TPH2: variants seen among roughly 807,000 people sequenced by gnomAD.
The protein encoded by TPH2 is tryptophan hydroxylase 2, also known as tryptophan 5-hydroxylase 2.
A neutral mutation model predicts 59.1 loss-of-function variants in TPH2; 27 were observed. That is an observed-to-expected ratio of 0.46 (90% CI 0.34 to 0.63). TPH2 has a LOEUF of 0.63. TPH2 is among the 30% of genes least tolerant of loss of function. The pLI is 0.01. For missense variants in TPH2, 523 were observed against 588.3 expected (o/e 0.89, Z 1.15); for synonymous variants, 220 against 210.5 (o/e 1.05, Z -0.39).
At chr12:71,956,969 A>C (rs777138738) in intron 5 of TPH2, among the ~76,000 whole-genome samples, 2 of 152,144 alleles carry the variant, frequency 1.3e-5, no homozygotes, top group Non-Finnish European at 1.5e-5. Context: ...CTAATGTGCT[A>C]TCTGTACAAC....
At chr12:72,005,208 G>A (rs942796587) in intron 8 of TPH2, among the ~76,000 whole-genome samples, 5 of 152,064 alleles carry the variant, frequency 3.3e-5, no homozygotes, top group African/African-American at 1.2e-4. Flanking sequence ...AAATCACCTT[G>A]TGAGGGGGGT....
intron 5 of TPH2, among the ~76,000 whole-genome samples, chr12:71,963,535 A>G (rs67220079): frequency 0.24 from 11,238 of 47,720 alleles, 4,976 homozygotes; most frequent in East Asian, 0.77. Flanking sequence ...TAGTGGCTGG[A>G]TACTTTGGCT....
intron 7 of TPH2, among the ~76,000 whole-genome samples, chr12:71,982,013 G>GTTTTTTTTTTTTTTTTTTTT (rs1468983565): frequency 9.0e-5 from 5 of 55,712 alleles, no homozygotes; most frequent in African/African-American, 2.0e-4. Flanking sequence ...CATATCATTC[G>GTTTTTTTTTTTTTTTTTTTT]TATTTTTTTT....
intron 5 of TPH2, among the ~76,000 whole-genome samples, chr12:71,951,829 C>T (rs1294836261): frequency 6.6e-6 from 1 of 151,908 alleles, no homozygotes; most frequent in African/African-American, 2.4e-5. Flanking sequence ...AGTTCAAGAC[C>T]AGCCTGACCA....
intron 8 of TPH2, among the ~76,000 whole-genome samples, chr12:72,019,396 A>G (rs1180418957): frequency 6.6e-6 from 1 of 152,166 alleles, no homozygotes; most frequent in African/African-American, 2.4e-5. Flanking sequence ...TGGAAATAAA[A>G]ATCTATTCCT....
In TPH2 at chr12:71,972,538, G is replaced by A. The variant is rs754297429; in HGVS notation, c.628G>A (p.Val210Met). 3 of 1,614,104 alleles carry A rather than the reference G, an allele frequency of 1.9e-6. No homozygotes were observed. Among genetic ancestry groups the A allele is most frequent in the African/African-American group, 1.3e-5 (1 of 75,024 alleles). ...GYKYGQPIPR[V>M]EYTEEETKTW... ...GCCTAGTGGTCAGCCCATTCCCAGGGTGGAGTATACTGAAGAAGAAACTAA... is the reference window on the plus strand; with the variant it reads ...GCCTAGTGGTCAGCCCATTCCCAGGATGGAGTATACTGAAGAAGAAACTAA... The change falls in exon 6 of 11, where the codon GTG (valine) becomes ATG (methionine). Residue 210 changes from valine (V) to methionine (M), a missense_variant. Val to Met is a conservative substitution (Grantham distance 21). Coordinates refer to ENST00000333850, the MANE Select transcript of TPH2 (RefSeq NM_173353.4).
chr12:72,029,639 A>G (rs750415490), intron 9 of TPH2, among the ~76,000 whole-genome samples: 7 of 152,198 alleles, frequency 4.6e-5, no homozygotes, highest in Non-Finnish European at 8.8e-5. Flanking sequence ...TTGCAAGTGT[A>G]GTGACCTTCT....
At chr12:71,989,184 A>G (rs1592400558) in intron 7 of TPH2, among the ~76,000 whole-genome samples, 1 of 152,168 alleles carries the variant, frequency 6.6e-6, no homozygotes, top group African/African-American at 2.4e-5. Context: ...AGAATTGCCT[A>G]AAATCTTATC....
intron 5 of TPH2, among the ~76,000 whole-genome samples, chr12:71,955,965 G>C (rs1191615035): frequency 6.6e-6 from 1 of 152,178 alleles, no homozygotes; most frequent in Non-Finnish European, 1.5e-5. Context: ...AAGAATTAGG[G>C]AACAGCCTAG....
intron 6 of TPH2, among the ~76,000 whole-genome samples, chr12:71,978,592 G>A (rs1439911568): frequency 2.0e-5 from 3 of 152,226 alleles, no homozygotes; most frequent in Non-Finnish European, 4.4e-5. Context: ...CCCTAGGTAT[G>A]TCTCTTAGAA....
At chr12:72,021,628 G>C (rs1026765950) in intron 8 of TPH2, among the ~76,000 whole-genome samples, 8 of 152,076 alleles carry the variant, frequency 5.3e-5, no homozygotes, top group Admixed American at 3.3e-4. Flanking sequence ...GGTAGGCTAG[G>C]CTAAGCTAGG....
intron 8 of TPH2, among the ~76,000 whole-genome samples, chr12:72,006,527 G>C (rs1872957311): frequency 6.6e-6 from 1 of 152,050 alleles, no homozygotes; most frequent in African/African-American, 2.4e-5. Context: ...GGGAAAGGTA[G>C]GGGATGAGGA....
intron 5 of TPH2, among the ~76,000 whole-genome samples, chr12:71,950,984 A>G (rs73142505): frequency 0.021 from 3,178 of 152,162 alleles, 44 homozygotes; most frequent in Non-Finnish European, 0.035. Flanking sequence ...TAGGAAAACA[A>G]TGTTCTTAAA....
intron 8 of TPH2, among the ~76,000 whole-genome samples, chr12:72,008,552 T>C (rs530287400): frequency 3.3e-5 from 5 of 152,308 alleles, no homozygotes; most frequent in Admixed American, 2.6e-4. Flanking sequence ...ACTCATATTG[T>C]CCCTTAACAC....
chr12:72,031,413 G>C, intron 10 of TPH2, 22 bp downstream of exon 10: 1 of 1,613,282 alleles, frequency 6.2e-7, no homozygotes, highest in South Asian at 1.1e-5. Context: ...TTTCCTCCTA[G>C]CTAGAGAAAA....
intron 9 of TPH2, among the ~76,000 whole-genome samples, chr12:72,026,846 G>A (rs1335196171): frequency 6.6e-6 from 1 of 152,182 alleles, no homozygotes; most frequent in East Asian, 1.9e-4. Context: ...GGATATAGAT[G>A]TCACATTGTG....
intron 7 of TPH2, 63 bp from the exon 8 acceptor site, chr12:71,994,376 G>GTTCT: frequency 6.3e-7 from 1 of 1,597,960 alleles, no homozygotes; most frequent in South Asian, 1.1e-5. Context: ...TTTAAGTCTT[G>GTTCT]TTCTACCAGT....
At chr12:71,977,478 C>T (rs567072124) in intron 6 of TPH2, among the ~76,000 whole-genome samples, 58 of 152,214 alleles carry the variant, frequency 3.8e-4, no homozygotes, top group Middle Eastern at 3.4e-3. Flanking sequence ...CACAGACACA[C>T]GCACACGCAT....
intron 6 of TPH2, among the ~76,000 whole-genome samples, chr12:71,974,313 A>G (rs1042411978): frequency 4.6e-5 from 7 of 152,172 alleles, no homozygotes; most frequent in African/African-American, 1.7e-4. Context: ...ACTTAAAACA[A>G]CACGAGTTAT....
Sources: allele counts gnomAD v4.1 joint callset (sites outside exome capture counted in the v4.1 genomes callset), GRCh38; gene constraint gnomAD v4.1.1; transcripts MANE v1.5; gene names NCBI Gene and HGNC (gene_info 2026-07-23, HGNC 2026-07-21).